Variants in DPP6 observed in about 807,000 individuals in gnomAD.
DPP6 encodes the protein A-type potassium channel modulatory protein DPP6.
A neutral mutation model predicts 122.6 loss-of-function variants in DPP6; 69 were observed. The observed-to-expected ratio is 0.56, with a 90% confidence interval of 0.46 to 0.69. The LOEUF (loss-of-function observed/expected upper bound fraction) is 0.69, where lower values mean the gene tolerates loss of function less well. Among genes scored for constraint, DPP6 ranks in the 30% least tolerant of loss-of-function variants. DPP6 has a pLI of 0.00. For missense variants in DPP6, 928 were observed against 1,116.9 expected (o/e 0.83, Z 2.41); for synonymous variants, 418 against 433.1 (o/e 0.97, Z 0.43).
intron 1 of DPP6, among the ~76,000 whole-genome samples, chr7:154,309,332 T>C (rs563204919): frequency 5.3e-5 from 8 of 152,142 alleles, no homozygotes; most frequent in Non-Finnish European, 1.2e-4. Context: ...TCCCCATGTG[T>C]CTGTTCTTCT....
rs1356593065 is a variant in DPP6 at position 154,026,692 on chromosome 7, T to A, written c.51+138958T>A. 6 of 151,334 alleles carry A rather than the reference T, an allele frequency of 4.0e-5. No homozygotes were observed. The South Asian group carries it at 6.3e-4, about 16-fold the overall frequency. 9.4% of individuals were successfully genotyped at this position (151,334 alleles called of 1,614,324 possible). A position where few individuals can be genotyped will look rare whatever the true frequency, so the allele number is the denominator to read the frequency against. ...TTCAAGTGTCCTTAGTGAGTTTAACTGGGTAAGAGCAAAAGAAATGAAATA... is the reference window on the plus strand; with the variant it reads ...TTCAAGTGTCCTTAGTGAGTTTAACAGGGTAAGAGCAAAAGAAATGAAATA... On this transcript the variant is annotated intron_variant, in intron 1 of 25. Transcript: ENST00000404039.
intron 3 of DPP6, among the ~76,000 whole-genome samples, chr7:154,489,422 C>T (rs1047681398): frequency 3.3e-5 from 5 of 152,118 alleles, no homozygotes; most frequent in African/African-American, 4.8e-5. Context: ...TTCTAATATC[C>T]GGCACTTTGC....
the DPP6 span, among the ~76,000 whole-genome samples, chr7:153,785,873 G>A: frequency 6.8e-6 from 1 of 147,060 alleles, no homozygotes; most frequent in South Asian, 2.2e-4. Context: ...TGCCCAGCCT[G>A]TCTTTTTATT....
intron 1 of DPP6, among the ~76,000 whole-genome samples, chr7:153,940,062 A>C (rs569415909): frequency 2.0e-5 from 3 of 152,314 alleles, no homozygotes; most frequent in African/African-American, 7.2e-5. Flanking sequence ...AAGTAAAATC[A>C]TGCTAACAAT....
At chr7:154,108,447 G>A (rs1441937031) in intron 1 of DPP6, among the ~76,000 whole-genome samples, 1 of 152,210 alleles carries the variant, frequency 6.6e-6, no homozygotes, top group African/African-American at 2.4e-5. Context: ...TGCAAGGGGA[G>A]AAATGTGACT....
intron 1 of DPP6, among the ~76,000 whole-genome samples, chr7:153,896,371 T>A (rs936643682): frequency 6.6e-6 from 1 of 152,248 alleles, no homozygotes; most frequent in Non-Finnish European, 1.5e-5. Context: ...CTATACCTTC[T>A]TGTCCTATAT....
At chr7:154,265,259 G>T (rs1803347862) in intron 1 of DPP6, among the ~76,000 whole-genome samples, 1 of 151,130 alleles carries the variant, frequency 6.6e-6, no homozygotes, top group African/African-American at 2.4e-5. Context: ...GGTGTTAATG[G>T]CGATGATGAT....
At chr7:154,421,160 T>TG (rs1817438445) in intron 1 of DPP6, among the ~76,000 whole-genome samples, 1 of 40,544 alleles carries the variant, frequency 2.5e-5, no homozygotes, top group Non-Finnish European at 1.4e-4. Context: ...TAACAATGCC[T>TG]AATTTTCAGC....
intron 3 of DPP6, among the ~76,000 whole-genome samples, chr7:154,536,809 T>C (rs906710092): frequency 3.9e-5 from 6 of 152,198 alleles, no homozygotes; most frequent in African/African-American, 1.4e-4. Flanking sequence ...TGAAATATTA[T>C]TGATCACATC....
chr7:154,027,926 C>T (rs1033211726), intron 1 of DPP6, among the ~76,000 whole-genome samples: 3 of 151,182 alleles, frequency 2.0e-5, no homozygotes, highest in African/African-American at 4.9e-5. Context: ...TCCTGGATCC[C>T]GGAAACATGG....
chr7:153,833,533 C>T, the DPP6 span, among the ~76,000 whole-genome samples: 1 of 151,944 alleles, frequency 6.6e-6, no homozygotes, highest in Non-Finnish European at 1.5e-5. Context: ...AATTAGCCAG[C>T]GTGGTGGCGT....
At chr7:154,046,923 T>C (rs2129059779) in intron 1 of DPP6, among the ~76,000 whole-genome samples, 1 of 152,240 alleles carries the variant, frequency 6.6e-6, no homozygotes, top group South Asian at 2.1e-4. Flanking sequence ...TTTTCCACTC[T>C]CTGTAACTGT....
Position 154,762,193 on chromosome 7 carries a change from C to T in DPP6, c.884-7224C>T, listed in dbSNP as rs979639988. 2.6e-5 allele frequency among the ~76,000 whole-genome samples: 4 copies of T among 152,270 alleles called. No homozygotes were observed. The South Asian group carries it at 8.3e-4, about 32-fold the overall frequency. The stretch of plus-strand genomic sequence containing the variant: ...GACACACATCTGAACTATAACACAC[C>T]CTTTATGACCTAGTCTCACAAGCCA... On this transcript the variant is annotated intron_variant, in intron 8 of 25. Transcript: ENST00000377770.
chr7:154,262,852 A>G (rs1343348017), intron 1 of DPP6, among the ~76,000 whole-genome samples: 1 of 152,146 alleles, frequency 6.6e-6, no homozygotes. Context: ...TTATGGTTTA[A>G]CTGTATTTTT....
At chr7:154,648,850 C>G (rs1836678560) in intron 6 of DPP6, among the ~76,000 whole-genome samples, 1 of 151,422 alleles carries the variant, frequency 6.6e-6, no homozygotes, top group South Asian at 2.1e-4. Flanking sequence ...ACCCAGGAGG[C>G]AGAGGTTGCA....
chr7:153,985,704 A>G (rs1046495265), intron 1 of DPP6, among the ~76,000 whole-genome samples: 1 of 152,240 alleles, frequency 6.6e-6, no homozygotes, highest in African/African-American at 2.4e-5. Context: ...TTTGAGCAGA[A>G]TAACAGAGAG....
intron 1 of DPP6, among the ~76,000 whole-genome samples, chr7:154,104,510 G>A (rs532538164): frequency 7.9e-5 from 12 of 152,336 alleles, no homozygotes; most frequent in African/African-American, 2.2e-4. Flanking sequence ...CATGGCATTC[G>A]TATTTCAAAG....
At chr7:154,281,484 G>A (rs1804509881) in intron 1 of DPP6, among the ~76,000 whole-genome samples, 1 of 152,094 alleles carries the variant, frequency 6.6e-6, no homozygotes, top group Non-Finnish European at 1.5e-5. Context: ...CATTGTCACA[G>A]CTGATTTATG....
chr7:154,254,014 G>T (rs1241959614), intron 1 of DPP6, among the ~76,000 whole-genome samples: 1 of 152,204 alleles, frequency 6.6e-6, no homozygotes, highest in Non-Finnish European at 1.5e-5. Context: ...CACAAGAACG[G>T]CAAGAAGGAA....
Sources: gnomAD v4.1 joint callset for allele counts (sites outside exome capture counted in the v4.1 genomes callset) on GRCh38, gnomAD v4.1.1 for gene constraint, MANE v1.5 for transcripts, NCBI Gene and HGNC (gene_info 2026-07-23, HGNC 2026-07-21) for gene names.